TMED3: variants seen among roughly 807,000 people sequenced by gnomAD.
TMED3 encodes transmembrane emp24 domain-containing protein 3.
In TMED3, 9 loss-of-function variants were observed where a neutral mutation model predicts 15.0. The observed-to-expected ratio is 0.60, with a 90% CI of 0.36 to 1.04. The LOEUF (loss-of-function observed/expected upper bound fraction) is 1.04. Among genes scored for constraint, TMED3 ranks in the 50% least tolerant of loss-of-function variants. The pLI, the probability that TMED3 is intolerant of heterozygous loss-of-function variation, is 0.01. For synonymous variants in TMED3, 117 were observed against 121.4 expected, an observed-to-expected ratio of 0.96 and a Z score of 0.24; for missense variants, 267 against 278.9, an observed-to-expected ratio of 0.96 and a Z score of 0.30.
intron 2 of TMED3, among the ~76,000 whole-genome samples, chr15:79,396,876 A>G (rs893019780): frequency 6.6e-6 from 1 of 152,202 alleles, no homozygotes; most frequent in African/African-American, 2.4e-5. Flanking sequence ...TATTTTGGAT[A>G]TGTTCGGTTA....
chr15:79,321,678 G>A (rs2141217888), intron 2 of TMED3, among the ~76,000 whole-genome samples: 1 of 152,284 alleles, frequency 6.6e-6, no homozygotes, highest in Middle Eastern at 3.4e-3. Context: ...GTGCCTATCA[G>A]GAGTATTGTA....
chr15:79,335,027 A>G (rs1457009028), intron 2 of TMED3, among the ~76,000 whole-genome samples: 2 of 152,212 alleles, frequency 1.3e-5, no homozygotes, highest in Non-Finnish European at 2.9e-5. Context: ...CTGTCTGAAA[A>G]ACAAATGGAA....
In TMED3 at chr15:79,322,064, C is replaced by T. The variant is rs752551180; in HGVS notation, c.504C>T (p.Asp168=). 2.5e-6 allele frequency: 4 copies of T among 1,614,100 alleles called. No individual in the cohort carries two copies. Among genetic ancestry groups the T allele is most frequent in the Non-Finnish European group, 3.4e-6 (4 of 1,180,048 alleles). The change falls in exon 3 of 3, where the codon GAC becomes GAT. Residue 168 remains aspartate, a synonymous_variant. Transcript: ENST00000299705. Reference sequence around the variant, plus strand: ...ATTACCGGCTGCGGGAGGCCCAGGACCGGGCCCGAGCAGAAGACCTTAATA... The same window carrying T: ...ATTACCGGCTGCGGGAGGCCCAGGATCGGGCCCGAGCAGAAGACCTTAATA... The part of the protein sequence containing the change: ...QTHYRLREAQ[D]RARAEDLNSR...
chr15:79,385,767 G>A (rs1893619151), intron 2 of TMED3, among the ~76,000 whole-genome samples: 1 of 152,158 alleles, frequency 6.6e-6, no homozygotes. Context: ...CCACACTTTG[G>A]GTAGCTACAG....
intron 2 of TMED3, among the ~76,000 whole-genome samples, chr15:79,404,901 C>T (rs1197620580): frequency 6.6e-6 from 1 of 152,168 alleles, no homozygotes; most frequent in South Asian, 2.1e-4. Context: ...AAGTAAGCCT[C>T]AGTTTTTCCT....
At chr15:79,382,969 G>T in intron 2 of TMED3, 1 of 1,535,348 alleles carries the variant, frequency 6.5e-7, no homozygotes, top group Non-Finnish European at 8.7e-7. Flanking sequence ...TTTTCCAAGG[G>T]TCCCAGTGCT....
chr15:79,330,774 C>G (rs2058805407), intron 2 of TMED3, among the ~76,000 whole-genome samples: 1 of 152,068 alleles, frequency 6.6e-6, no homozygotes, highest in Non-Finnish European at 1.5e-5. Context: ...ACTTCCAGAC[C>G]TCAAAGTATA....
chr15:79,311,147 C>T lies in TMED3; in HGVS notation c.-103C>T, dbSNP rs10851917. On this transcript the variant is annotated 5_prime_UTR_variant, in exon 1 of 3. Coordinates refer to ENST00000299705, the MANE Select transcript of TMED3 (RefSeq NM_007364.4). ...GCGCAGAGCTCCGCTGGTGCCACGTCTATCCCCTTACATCCTCCTAGGACC... is the reference window on the plus strand; with the variant it reads ...GCGCAGAGCTCCGCTGGTGCCACGTTTATCCCCTTACATCCTCCTAGGACC... 0.99 allele frequency: 1,301,597 copies of T among 1,309,228 alleles called. 647,249 individuals are homozygous for T. Among genetic ancestry groups the T allele is most frequent in the Non-Finnish European group, 1 (988,431 of 988,586 alleles). 81.1% of individuals were successfully genotyped at this position (1,309,228 alleles called of 1,614,324 possible).
At chr15:79,339,242 C>G (rs916321403) in intron 2 of TMED3, among the ~76,000 whole-genome samples, 2 of 152,212 alleles carry the variant, frequency 1.3e-5, no homozygotes, top group African/African-American at 4.8e-5. Context: ...CATGGCCTTA[C>G]CTATCATTGG....
At chr15:79,352,877 AT>A (rs2058897129) in intron 2 of TMED3, among the ~76,000 whole-genome samples, 1 of 109,858 alleles carries the variant, frequency 9.1e-6, no homozygotes, top group African/African-American at 3.5e-5. Flanking sequence ...CATATATAAA[AT>A]ATACATATAA....
chr15:79,385,861 A>G (rs1893620618), intron 2 of TMED3, among the ~76,000 whole-genome samples: 2 of 152,228 alleles, frequency 1.3e-5, no homozygotes, highest in South Asian at 4.1e-4. Flanking sequence ...AGCCGCAGCC[A>G]GTGTGATAGC....
intron 2 of TMED3, among the ~76,000 whole-genome samples, chr15:79,330,737 A>G (rs1053791024): frequency 1.3e-5 from 2 of 152,212 alleles, no homozygotes; most frequent in Non-Finnish European, 2.9e-5. Context: ...AATCCTGAGC[A>G]AAAGGAACAA....
intron 2 of TMED3, among the ~76,000 whole-genome samples, chr15:79,394,639 A>G (rs1452058921): frequency 1.3e-5 from 2 of 152,228 alleles, no homozygotes; most frequent in East Asian, 3.8e-4. Flanking sequence ...TCAAAGAAGC[A>G]GCTACAAATG....
chr15:79,380,315 A>T (rs1893499852), intron 2 of TMED3, among the ~76,000 whole-genome samples: 1 of 151,288 alleles, frequency 6.6e-6, no homozygotes, highest in Admixed American at 6.6e-5. Flanking sequence ...GTGCCATTGT[A>T]CTCCAGCCTG....
At chr15:79,387,681 A>C (rs1893644506) in intron 2 of TMED3, among the ~76,000 whole-genome samples, 1 of 152,198 alleles carries the variant, frequency 6.6e-6, no homozygotes. Context: ...TTGAATCCAT[A>C]GGTTGATTGG....
At chr15:79,367,516 C>T (rs1893258385) in intron 2 of TMED3, among the ~76,000 whole-genome samples, 1 of 152,194 alleles carries the variant, frequency 6.6e-6, no homozygotes, top group African/African-American at 2.4e-5. Flanking sequence ...TATCATAGGT[C>T]TTTTCTAACA....
intron 2 of TMED3, among the ~76,000 whole-genome samples, chr15:79,371,229 G>T (rs1893332458): frequency 1.3e-5 from 2 of 152,160 alleles, no homozygotes; most frequent in Admixed American, 1.3e-4. Context: ...CCCTAAGTAG[G>T]TTTAGATGAC....
intron 2 of TMED3, chr15:79,384,164 T>C (rs962511962): frequency 2.6e-5 from 4 of 152,220 alleles, no homozygotes; most frequent in Admixed American, 2.6e-4. Context: ...AAGGTACATC[T>C]TCCCTTTCCT....
chr15:79,358,104 A>G (rs1893048667), intron 2 of TMED3, among the ~76,000 whole-genome samples: 1 of 152,190 alleles, frequency 6.6e-6, no homozygotes, highest in South Asian at 2.1e-4. Context: ...TTATGTCATG[A>G]GGGGAAGACC....
Sources: gnomAD v4.1 joint callset for allele counts (sites outside exome capture counted in the v4.1 genomes callset) on GRCh38, gnomAD v4.1.1 for gene constraint, MANE v1.5 for transcripts, NCBI Gene and HGNC (gene_info 2026-07-23, HGNC 2026-07-21) for gene names.